Variants in SBF2 observed in about 807,000 individuals in gnomAD.
SBF2 encodes the protein myotubularin-related protein 13.
A neutral mutation model predicts 225.2 loss-of-function variants in SBF2; 112 were observed. That is an observed-to-expected ratio of 0.50 (90% CI 0.43 to 0.58). The LOEUF (loss-of-function observed/expected upper bound fraction) is 0.58, where lower values mean the gene tolerates loss of function less well. SBF2 is among the 20% of genes least tolerant of loss of function. The pLI is 0.00. For synonymous variants in SBF2, 763 were observed against 773.3 expected (o/e 0.99, Z 0.22); for missense variants, 1,996 against 2,206.2 (o/e 0.90, Z 1.91).
intron 1 of SBF2, among the ~76,000 whole-genome samples, chr11:10,251,340 A>G (rs1960327007): frequency 6.6e-6 from 1 of 152,204 alleles, no homozygotes; most frequent in Admixed American, 6.5e-5. Flanking sequence ...TAAAAAATGT[A>G]TCCCTCATAA....
intron 1 of SBF2, among the ~76,000 whole-genome samples, chr11:10,241,038 T>A (rs1375154438): frequency 6.6e-6 from 1 of 152,178 alleles, no homozygotes; most frequent in Non-Finnish European, 1.5e-5. Flanking sequence ...AAAAAATTTA[T>A]AGCTTGAAAT....
chr11:9,995,922 A>G (rs1350511916), intron 9 of SBF2, among the ~76,000 whole-genome samples: 2 of 151,638 alleles, frequency 1.3e-5, no homozygotes, highest in East Asian at 3.9e-4. Context: ...AGTCTTCCAA[A>G]GTGTTGGGAT....
At chr11:9,834,811 G>T (rs1057116066) in intron 26 of SBF2, among the ~76,000 whole-genome samples, 3 of 152,162 alleles carry the variant, frequency 2.0e-5, no homozygotes, top group African/African-American at 7.2e-5. Context: ...AATGTTTAAT[G>T]GTTCCAGGAG....
intron 27 of SBF2, among the ~76,000 whole-genome samples, chr11:9,830,255 A>G (rs901185005): frequency 2.0e-5 from 3 of 152,254 alleles, no homozygotes; most frequent in African/African-American, 7.2e-5. Flanking sequence ...AAATTTTCTT[A>G]CAACTTGAAT....
rs937224948 is a variant in SBF2, at chr11:10,254,923, A to T, written c.55+39092T>A. Among the ~76,000 whole-genome samples, 318 of 145,394 alleles carry T rather than the reference A, an allele frequency of 2.2e-3. 3 individuals are homozygous for T. The highest frequency in any genetic ancestry group is 7.9e-3 in the African/African-American group (303 of 38,252). On this transcript the variant is annotated intron_variant, in intron 1 of 39. Coordinates refer to ENST00000256190, the MANE Select transcript of SBF2 (RefSeq NM_030962.4). ...CTCAAAAAAAAAAAAAAAAAAAAAAAAAAAAAAAAAAAAAAATCCTATTAT... is the reference window on the plus strand; with the variant it reads ...CTCAAAAAAAAAAAAAAAAAAAAAATAAAAAAAAAAAAAAAATCCTATTAT...
chr11:10,049,299 T>C (rs890204839), intron 2 of SBF2, among the ~76,000 whole-genome samples: 5 of 152,158 alleles, frequency 3.3e-5, no homozygotes, highest in Non-Finnish European at 5.9e-5. Context: ...GTGGGTAAAT[T>C]TAAAAAAAAA....
chr11:10,088,566 A>C (rs1313606586), intron 2 of SBF2, among the ~76,000 whole-genome samples: 3 of 152,156 alleles, frequency 2.0e-5, no homozygotes, highest in Non-Finnish European at 4.4e-5. Flanking sequence ...AGGGGAAGGG[A>C]AGCCAACATG....
chr11:10,036,002 G>A (rs1016688737), intron 3 of SBF2, among the ~76,000 whole-genome samples: 2 of 152,138 alleles, frequency 1.3e-5, no homozygotes, highest in Non-Finnish European at 1.5e-5. Flanking sequence ...GAAAGACTTA[G>A]AATGAACCCA....
intron 2 of SBF2, among the ~76,000 whole-genome samples, chr11:10,162,101 G>C (rs559717825): frequency 8.6e-5 from 13 of 151,940 alleles, no homozygotes; most frequent in African/African-American, 3.1e-4. Flanking sequence ...TCCTATATAG[G>C]AAGGAATAGA....
chr11:10,197,219 A>G (rs963390297), intron 1 of SBF2, among the ~76,000 whole-genome samples: 3 of 152,146 alleles, frequency 2.0e-5, no homozygotes, highest in Admixed American at 1.3e-4. Context: ...CTACTCTAAG[A>G]GGCACTTTGA....
At chr11:10,009,943 TG>T (rs1948371706) in intron 6 of SBF2, among the ~76,000 whole-genome samples, 2 of 152,356 alleles carry the variant, frequency 1.3e-5, no homozygotes, top group Admixed American at 6.5e-5. Context: ...TGACTGCCAT[TG>T]TAGCTGGCAT....
chr11:10,122,309 G>A (rs1393626117), intron 2 of SBF2, among the ~76,000 whole-genome samples: 3 of 152,144 alleles, frequency 2.0e-5, no homozygotes, highest in African/African-American at 7.2e-5. Flanking sequence ...TGGAAGACAG[G>A]AATAAAAATG....
chr11:9,885,422 A>G (rs1860207475), intron 17 of SBF2, among the ~76,000 whole-genome samples: 1 of 152,100 alleles, frequency 6.6e-6, no homozygotes, highest in African/African-American at 2.4e-5. Context: ...ATATTGTCTA[A>G]TACTTTCTTC....
At chr11:9,934,110 A>C (rs1323966159) in intron 16 of SBF2, among the ~76,000 whole-genome samples, 1 of 152,112 alleles carries the variant, frequency 6.6e-6, no homozygotes, top group Non-Finnish European at 1.5e-5. Context: ...AAAACATAAA[A>C]AATGATAAAG....
At chr11:10,301,076 A>T (rs999115320) in intron 1 of SBF2, among the ~76,000 whole-genome samples, 4 of 152,224 alleles carry the variant, frequency 2.6e-5, no homozygotes, top group African/African-American at 9.6e-5. Flanking sequence ...GAGCACAAAA[A>T]TGAGGCAGCA....
intron 1 of SBF2, among the ~76,000 whole-genome samples, chr11:10,223,366 A>G (rs995510947): frequency 3.5e-5 from 5 of 143,024 alleles, no homozygotes; most frequent in African/African-American, 1.3e-4. Context: ...GCTGACCAGA[A>G]GCCTTACCAA....
chr11:10,067,099 G>T (rs1353733751), intron 2 of SBF2, among the ~76,000 whole-genome samples: 3 of 152,018 alleles, frequency 2.0e-5, no homozygotes, highest in Non-Finnish European at 4.4e-5. Flanking sequence ...GCAACACAGT[G>T]GGACCCTGAC....
intron 1 of SBF2, chr11:10,272,361 G>A (rs1962558028): frequency 1.8e-6 from 1 of 559,688 alleles, no homozygotes; most frequent in Non-Finnish European, 3.0e-6. Context: ...CTAGTTACCA[G>A]TTACTCACAC....
intron 13 of SBF2, among the ~76,000 whole-genome samples, chr11:9,983,562 T>C (rs778829961): frequency 4.6e-5 from 7 of 152,060 alleles, no homozygotes; most frequent in Non-Finnish European, 8.8e-5. Context: ...CACTGGTCCC[T>C]CTCCACACTA....
Sources: allele counts gnomAD v4.1 joint callset (sites outside exome capture counted in the v4.1 genomes callset), GRCh38; gene constraint gnomAD v4.1.1; transcripts MANE v1.5; gene names NCBI Gene and HGNC (gene_info 2026-07-23, HGNC 2026-07-21).